SPRR2G: variants seen among roughly 807,000 people sequenced by gnomAD.
The protein encoded by SPRR2G is small proline-rich protein 2G.
In SPRR2G, 1 loss-of-function variant was observed where a neutral mutation model predicts 0.7. The observed-to-expected ratio is 1.49, with a 90% confidence interval of 0.53 to 7.06. The LOEUF is 7.06. SPRR2G is among the 30% of genes most tolerant of loss of function. The pLI, the probability that SPRR2G is intolerant of heterozygous loss-of-function variation, is 0.14. For synonymous variants in SPRR2G, 38 were observed against 33.9 expected, an observed-to-expected ratio of 1.12 and a Z score of -0.42; for missense variants, 96 against 88.5, an observed-to-expected ratio of 1.09 and a Z score of -0.34.
chr1:153,157,272 G>C, the SPRR2G span, among the ~76,000 whole-genome samples: 22 of 152,224 alleles, frequency 1.4e-4, no homozygotes, highest in East Asian at 4.2e-3. Context: ...TGATCATCTT[G>C]TGGCTATTTT....
the SPRR2G span, among the ~76,000 whole-genome samples, chr1:153,157,320 G>C: frequency 6.6e-6 from 1 of 152,096 alleles, no homozygotes; most frequent in East Asian, 1.9e-4. Flanking sequence ...CAAATTTATA[G>C]GTGAAAGGAT....
the SPRR2G span, among the ~76,000 whole-genome samples, chr1:153,178,173 C>T: frequency 9.1e-3 from 1,379 of 151,998 alleles, 29 homozygotes; most frequent in African/African-American, 0.031. Flanking sequence ...ATATATTGAC[C>T]TTGTATTCTG....
chr1:153,196,178 TCTTA>T, the SPRR2G span, among the ~76,000 whole-genome samples: 3 of 152,272 alleles, frequency 2.0e-5, no homozygotes, highest in African/African-American at 7.2e-5. Flanking sequence ...AGCTTATTCA[TCTTA>T]CTTAATTATT....
chr1:153,157,671 T>G, the SPRR2G span, among the ~76,000 whole-genome samples: 7 of 152,024 alleles, frequency 4.6e-5, no homozygotes, highest in Non-Finnish European at 1.0e-4. Flanking sequence ...TTGGTTTGGT[T>G]TGGTTTGGGT....
chr1:153,173,022 G>A, the SPRR2G span, among the ~76,000 whole-genome samples: 1 of 152,156 alleles, frequency 6.6e-6, no homozygotes, highest in Non-Finnish European at 1.5e-5. Context: ...TAGAGATGAA[G>A]AAATAAAGTC....
the SPRR2G span, among the ~76,000 whole-genome samples, chr1:153,161,342 C>T: frequency 8.1e-5 from 9 of 111,310 alleles, 3 homozygotes; most frequent in South Asian, 2.5e-3. Flanking sequence ...AGCATTTTTT[C>T]ATATACATGT....
At chr1:153,172,002 G>A in the SPRR2G span, among the ~76,000 whole-genome samples, 1 of 151,826 alleles carries the variant, frequency 6.6e-6, no homozygotes, top group Non-Finnish European at 1.5e-5. Context: ...CTTCTTCTTT[G>A]GTTTACCAAT....
chr1:153,183,701 T>C, the SPRR2G span, among the ~76,000 whole-genome samples: 1 of 152,254 alleles, frequency 6.6e-6, no homozygotes, highest in Non-Finnish European at 1.5e-5. Context: ...TTTCTTTTGC[T>C]GTGCACAAGC....
At chr1:153,180,330 A>T in the SPRR2G span, among the ~76,000 whole-genome samples, 5 of 152,086 alleles carry the variant, frequency 3.3e-5, no homozygotes, top group Non-Finnish European at 7.4e-5. Context: ...TTTGTTCTTC[A>T]TGTTCTGAAC....
At chr1:153,158,272 T>C in the SPRR2G span, among the ~76,000 whole-genome samples, 1 of 152,206 alleles carries the variant, frequency 6.6e-6, no homozygotes, top group Non-Finnish European at 1.5e-5. Context: ...GCTTCCAAGA[T>C]ACAATGAGGG....
the SPRR2G span, among the ~76,000 whole-genome samples, chr1:153,162,381 A>G: frequency 2.6e-5 from 4 of 152,156 alleles, no homozygotes; most frequent in African/African-American, 7.2e-5. Flanking sequence ...GTGAATACCA[A>G]TTGTTTTCAG....
the SPRR2G span, among the ~76,000 whole-genome samples, chr1:153,168,868 T>C: frequency 2.0e-5 from 3 of 150,648 alleles, no homozygotes; most frequent in Admixed American, 6.6e-5. Flanking sequence ...TGGATGCCAA[T>C]CCCAACTGTC....
At chr1:153,180,266 G>A in the SPRR2G span, among the ~76,000 whole-genome samples, 3 of 152,216 alleles carry the variant, frequency 2.0e-5, no homozygotes, top group Admixed American at 6.5e-5. Context: ...AAAGCAGTCC[G>A]AGTCACTACC....
chr1:153,184,724 G>A, the SPRR2G span, among the ~76,000 whole-genome samples: 171 of 152,282 alleles, frequency 1.1e-3, no homozygotes, highest in Admixed American at 2.2e-3. Flanking sequence ...GCCCTGGCCA[G>A]AACTTCCAAT....
chr1:153,179,884 A>G, the SPRR2G span, among the ~76,000 whole-genome samples: 1 of 152,176 alleles, frequency 6.6e-6, no homozygotes, highest in Admixed American at 6.6e-5. Flanking sequence ...CATATAAAAT[A>G]TAGAGAAGAT....
the SPRR2G span, among the ~76,000 whole-genome samples, chr1:153,167,702 T>C: frequency 2.0e-5 from 3 of 152,174 alleles, no homozygotes; most frequent in African/African-American, 7.2e-5. Flanking sequence ...TCTGACCTTA[T>C]CTTCTTATAG....
the SPRR2G span, among the ~76,000 whole-genome samples, chr1:153,181,365 A>G: frequency 6.6e-6 from 1 of 152,170 alleles, no homozygotes; most frequent in Non-Finnish European, 1.5e-5. Context: ...CACAGTATTT[A>G]GAATATCCAT....
At chr1:153,180,990 G>A in the SPRR2G span, among the ~76,000 whole-genome samples, 1 of 151,824 alleles carries the variant, frequency 6.6e-6, no homozygotes, top group Non-Finnish European at 1.5e-5. Flanking sequence ...TGATCTGTGA[G>A]TAGGAACACA....
chr1:153,196,007 G>C, the SPRR2G span, among the ~76,000 whole-genome samples: 1 of 152,176 alleles, frequency 6.6e-6, no homozygotes, highest in South Asian at 2.1e-4. Context: ...CTGGGGGCCA[G>C]GTGTACCATC....
Sources: gnomAD v4.1 joint callset for allele counts (sites outside exome capture counted in the v4.1 genomes callset) on GRCh38, gnomAD v4.1.1 for gene constraint, MANE v1.5 for transcripts, NCBI Gene and HGNC (gene_info 2026-07-23, HGNC 2026-07-21) for gene names.